KIAA0319L: variants seen among roughly 807,000 people sequenced by gnomAD.
The protein encoded by KIAA0319L is KIAA0319 like, also known as dyslexia-associated protein KIAA0319-like protein.
A neutral mutation model predicts 120.1 loss-of-function variants in KIAA0319L; 55 were observed. The ratio of observed to expected loss-of-function variants is 0.46; its 90% confidence interval spans 0.37 to 0.57. KIAA0319L has a LOEUF of 0.57. Ranked by LOEUF, KIAA0319L falls within the 20% of genes least tolerant of loss-of-function variation. The pLI is 0.00. For synonymous variants in KIAA0319L, 398 were observed against 471.9 expected, an observed-to-expected ratio of 0.84 and a Z score of 2.03; for missense variants, 1,049 against 1,255.3, an observed-to-expected ratio of 0.84 and a Z score of 2.48.
intron 2 of KIAA0319L, among the ~76,000 whole-genome samples, chr1:35,546,601 T>C (rs1023496704): frequency 6.6e-6 from 1 of 152,248 alleles, no homozygotes; most frequent in African/African-American, 2.4e-5. Context: ...TAAATATTTA[T>C]TGACTGAGTA....
intron 3 of KIAA0319L, among the ~76,000 whole-genome samples, chr1:35,491,677 A>G (rs1344052857): frequency 6.6e-6 from 1 of 152,160 alleles, no homozygotes; most frequent in East Asian, 1.9e-4. Flanking sequence ...CAGAAAAACA[A>G]TAGAGAAAAA....
chr1:35,556,349 AT>A (rs1324537250), intron 1 of KIAA0319L: 1 of 152,262 alleles, frequency 6.6e-6, no homozygotes, highest in Non-Finnish European at 1.5e-5. Flanking sequence ...GCGATAAGAT[AT>A]GTTTGAACAA....
chr1:35,439,244 CT>C (rs1641024797), intron 20 of KIAA0319L: 1 of 152,246 alleles, frequency 6.6e-6, no homozygotes, highest in African/African-American at 2.4e-5. Flanking sequence ...AGTTTTGTTC[CT>C]TTGCCTGGAA....
At chr1:35,485,381 G>C (rs1644349557) in intron 3 of KIAA0319L, among the ~76,000 whole-genome samples, 1 of 152,156 alleles carries the variant, frequency 6.6e-6, no homozygotes, top group East Asian at 1.9e-4. Flanking sequence ...GATCTGGGCA[G>C]GGGTTGCTCA....
chr1:35,555,171 C>A (rs1233523879), intron 1 of KIAA0319L, among the ~76,000 whole-genome samples: 1 of 152,152 alleles, frequency 6.6e-6, no homozygotes, highest in Admixed American at 6.5e-5. Flanking sequence ...AGGTCTCTTC[C>A]AGCAGAAAAA....
At chr1:35,554,325 C>A (rs1372209545) in intron 2 of KIAA0319L, 25 bp downstream of exon 2, 3 of 1,505,940 alleles carry the variant, frequency 2.0e-6, no homozygotes, top group Non-Finnish European at 8.9e-7. Flanking sequence ...AAAAAAAAAT[C>A]TTAAATCTAT....
At chr1:35,467,466 T>C (rs1216084728) in intron 6 of KIAA0319L, among the ~76,000 whole-genome samples, 8 of 152,188 alleles carry the variant, frequency 5.3e-5, no homozygotes, top group Admixed American at 5.2e-4. Context: ...AATAGTTGTG[T>C]ACAGCTCATT....
chr1:35,518,996 A>AG (rs1414224850), intron 2 of KIAA0319L, among the ~76,000 whole-genome samples: 1 of 151,772 alleles, frequency 6.6e-6, no homozygotes, highest in African/African-American at 2.4e-5. Context: ...AAAAAAAAAA[A>AG]AGGCTTCCTT....
intron 2 of KIAA0319L, among the ~76,000 whole-genome samples, chr1:35,544,006 G>A (rs1200474522): frequency 2.0e-5 from 3 of 152,104 alleles, no homozygotes. Flanking sequence ...TACCTAACTG[G>A]ACAAAATGCA....
chr1:35,462,952 G>A (rs1260360648), intron 7 of KIAA0319L, among the ~76,000 whole-genome samples: 1 of 152,086 alleles, frequency 6.6e-6, no homozygotes, highest in Non-Finnish European at 1.5e-5. Context: ...AGGGATTAGA[G>A]CCTCAAAAGG....
chr1:35,508,786 T>G (rs1159040303), intron 2 of KIAA0319L, among the ~76,000 whole-genome samples: 1 of 152,232 alleles, frequency 6.6e-6, no homozygotes, highest in African/African-American at 2.4e-5. Flanking sequence ...TTTACCTTTA[T>G]ATCAATTTTC....
At position 35,479,018 on chromosome 1, in the gene KIAA0319L, A is replaced by G; in HGVS notation, c.861T>C (p.Tyr287=). 3 of 1,614,164 alleles carry G rather than the reference A, an allele frequency of 1.9e-6. No individual in the cohort carries two copies. The highest frequency in any genetic ancestry group is 2.5e-6 in the Non-Finnish European group (3 of 1,180,028). ...VPQPVAPSYS[Y]ATPTPQASFQ... ...AAGAGGCCTGGGGGGTAGGGGTAGC[A>G]TAACTGTAGGAGGGAGCCACTGGCT... Residue 287 remains tyrosine, a synonymous_variant, in exon 4 of 21, where the codon TAT becomes TAC. Coordinates refer to ENST00000325722, the MANE Select transcript of KIAA0319L (RefSeq NM_024874.5).
At chr1:35,526,030 C>A (rs1446093242) in intron 2 of KIAA0319L, among the ~76,000 whole-genome samples, 1 of 151,900 alleles carries the variant, frequency 6.6e-6, no homozygotes, top group African/African-American at 2.4e-5. Context: ...CAGACAGGGG[C>A]TCTAGTTTCA....
intron 3 of KIAA0319L, among the ~76,000 whole-genome samples, chr1:35,491,675 CA>C (rs780947093): frequency 2.6e-5 from 4 of 151,628 alleles, no homozygotes; most frequent in Non-Finnish European, 5.9e-5. Context: ...AACAGAAAAA[CA>C]ATAGAGAAAA....
chr1:35,526,477 G>A lies in KIAA0319L; in HGVS notation c.143-19342C>T, dbSNP rs1260330271. On this transcript the variant is annotated intron_variant, in intron 2 of 20. Coordinates refer to ENST00000325722, the MANE Select transcript of KIAA0319L (RefSeq NM_024874.5). ...TGTGGGTTTTTAGAGACAGGATCTC[G>A]CTTTGTTGCCCAGGCTGGAGTGTAG... Among the ~76,000 whole-genome samples the A allele has an allele frequency of 3.5e-5, 5 of 142,112 alleles. No individual in the cohort carries two copies. In the East Asian group the frequency reaches 6.1e-4, roughly 17 times the overall value. The allele number at this position is 142,112 out of a possible 152,430, so 93.2% of individuals were successfully genotyped here.
At chr1:35,519,227 T>C (rs1645811879) in intron 2 of KIAA0319L, among the ~76,000 whole-genome samples, 1 of 151,984 alleles carries the variant, frequency 6.6e-6, no homozygotes, top group Non-Finnish European at 1.5e-5. Context: ...AGGTAGGAGG[T>C]AGAAACTAGA....
intron 16 of KIAA0319L, 150 bp from the exon 17 acceptor site, chr1:35,444,453 C>T: frequency 1.4e-6 from 1 of 722,698 alleles, no homozygotes; most frequent in Non-Finnish European, 2.1e-6. Context: ...AAGGTGTTAT[C>T]AGGGTCATCT....
intron 3 of KIAA0319L, among the ~76,000 whole-genome samples, chr1:35,484,018 C>T (rs189870195): frequency 1.3e-5 from 2 of 152,190 alleles, no homozygotes; most frequent in Admixed American, 6.5e-5. Context: ...TATAAAGACA[C>T]CAGTCATTAT....
chr1:35,448,307 C>T lies in KIAA0319L; in HGVS notation c.2379G>A (p.Glu793=), dbSNP rs963681462. ...KPDPRKNNLV[E]IILDINVSQL... is the part of the protein sequence containing the mutation. Reference sequence around the variant, plus strand: ...GACTGACGTTGATATCCAAGATGATCTCCACCAGGTTGTTTTTCCTGGGAT... The same window carrying T: ...GACTGACGTTGATATCCAAGATGATTTCCACCAGGTTGTTTTTCCTGGGAT... Residue 793 remains glutamate, a synonymous_variant, in exon 16 of 21, where the codon GAG becomes GAA. Coordinates refer to ENST00000325722, the MANE Select transcript of KIAA0319L (RefSeq NM_024874.5). The T allele has an allele frequency of 6.2e-6, 10 of 1,613,996 alleles. No homozygotes were observed. The highest frequency in any genetic ancestry group is 8.5e-6 in the Non-Finnish European group (10 of 1,179,988).
Sources: gnomAD v4.1 joint callset for allele counts (sites outside exome capture counted in the v4.1 genomes callset) on GRCh38, gnomAD v4.1.1 for gene constraint, MANE v1.5 for transcripts, NCBI Gene and HGNC (gene_info 2026-07-23, HGNC 2026-07-21) for gene names.